The following TRIQK variants were observed in gnomAD, a reference collection of about 807,000 sequenced individuals.
TRIQK encodes the protein triple QxxK/R motif containing.
Under a neutral mutation model 10.8 loss-of-function variants are expected in TRIQK, and 10 were observed. That is an observed-to-expected ratio of 0.92 (90% CI 0.57 to 1.57). TRIQK has a LOEUF of 1.57. Ranked by LOEUF, TRIQK falls within the 40% of genes most tolerant of loss-of-function variation. The probability of loss-of-function intolerance (pLI) is 0.00; values close to 1 mark genes in which losing one functional copy is unlikely to be tolerated. For synonymous variants in TRIQK, 33 were observed against 33.7 expected, an observed-to-expected ratio of 0.98 and a Z score of 0.07; for missense variants, 107 against 97.7, an observed-to-expected ratio of 1.09 and a Z score of -0.40.
rs115208995 is a variant in TRIQK at position 92,956,544 on chromosome 8, C to G, written c.-180-1980G>C. Among the ~76,000 whole-genome samples the G allele has an allele frequency of 6.3e-3, 954 of 151,764 alleles. 10 individuals carry two copies. Among genetic ancestry groups the G allele is most frequent in the African/African-American group, 0.021 (891 of 41,494 alleles). On this transcript the variant is annotated intron_variant, in intron 1 of 4. Coordinates refer to ENST00000521988, the MANE Select transcript of TRIQK (RefSeq NM_001171797.2). ...TAAACTTTATGATTGTGAAATATAG[C>G]TCAATAAAGCTGTTATTAAAATACA...
intron 3 of TRIQK, among the ~76,000 whole-genome samples, chr8:92,909,617 C>T (rs994044212): frequency 6.6e-6 from 1 of 151,760 alleles, no homozygotes; most frequent in South Asian, 2.1e-4. Flanking sequence ...TTTAACACCA[C>T]ATTAAGTACT....
intron 2 of TRIQK, among the ~76,000 whole-genome samples, chr8:92,947,269 A>G (rs1361594097): frequency 2.0e-5 from 3 of 150,932 alleles, no homozygotes; most frequent in African/African-American, 7.3e-5. Flanking sequence ...TATACACTCA[A>G]GTTTGGACTT....
intron 1 of TRIQK, among the ~76,000 whole-genome samples, chr8:92,956,711 TATTA>T (rs1435116727): frequency 6.6e-6 from 1 of 151,818 alleles, no homozygotes; most frequent in Non-Finnish European, 1.5e-5. Context: ...GGGGGAAGCA[TATTA>T]ATACTTCATA....
intron 1 of TRIQK, among the ~76,000 whole-genome samples, chr8:92,998,880 C>A (rs546858736): frequency 6.6e-6 from 1 of 151,966 alleles, no homozygotes; most frequent in South Asian, 2.1e-4. Flanking sequence ...AGAAAGAACA[C>A]TTCAGAGGTT....
intron 1 of TRIQK, among the ~76,000 whole-genome samples, chr8:92,957,569 G>A (rs1456109816): frequency 6.6e-6 from 1 of 151,818 alleles, no homozygotes; most frequent in Non-Finnish European, 1.5e-5. Context: ...GAAATGCAAA[G>A]TGTTAATTTA....
chr8:92,937,862 A>G (rs1260602159), intron 2 of TRIQK, among the ~76,000 whole-genome samples: 3 of 152,010 alleles, frequency 2.0e-5, no homozygotes, highest in Admixed American at 6.6e-5. Context: ...AATATAAACC[A>G]TTGATAATAT....
chr8:92,995,920 T>G (rs986978931), intron 1 of TRIQK, among the ~76,000 whole-genome samples: 1 of 152,072 alleles, frequency 6.6e-6, no homozygotes, highest in Non-Finnish European at 1.5e-5. Flanking sequence ...GATAGTCATG[T>G]GACGGGAATT....
At chr8:92,954,815 T>C (rs945923478) in intron 1 of TRIQK, among the ~76,000 whole-genome samples, 4 of 151,906 alleles carry the variant, frequency 2.6e-5, no homozygotes, top group Non-Finnish European at 5.9e-5. Context: ...AACAGAAGAA[T>C]CTATTTAAAT....
intron 3 of TRIQK, among the ~76,000 whole-genome samples, chr8:92,895,922 A>AT (rs748678748): frequency 2.5e-4 from 38 of 152,178 alleles, no homozygotes; most frequent in Non-Finnish European, 5.0e-4. Flanking sequence ...CATGTAAAGA[A>AT]TAAAAAAAAA....
intron 2 of TRIQK, among the ~76,000 whole-genome samples, chr8:92,922,828 A>G (rs1360102505): frequency 6.6e-6 from 1 of 151,776 alleles, no homozygotes; most frequent in African/African-American, 2.4e-5. Flanking sequence ...TACATTAGAG[A>G]AAAACTGGTT....
chr8:92,912,624 C>T (rs968228677), intron 3 of TRIQK, among the ~76,000 whole-genome samples: 4 of 151,676 alleles, frequency 2.6e-5, no homozygotes. Context: ...ATCAATAAAA[C>T]TCATCACACA....
chr8:92,991,587 A>G (rs1813096907), intron 1 of TRIQK, among the ~76,000 whole-genome samples: 1 of 152,180 alleles, frequency 6.6e-6, no homozygotes, highest in South Asian at 2.1e-4. Flanking sequence ...TCCCCTTGAA[A>G]ACACACAAGA....
chr8:93,014,686 A>T (rs998857237), intron 1 of TRIQK, among the ~76,000 whole-genome samples: 1 of 152,098 alleles, frequency 6.6e-6, no homozygotes, highest in African/African-American at 2.4e-5. Flanking sequence ...TCTTTGGAAG[A>T]ACCCATTATA....
intron 4 of TRIQK, among the ~76,000 whole-genome samples, chr8:92,891,671 G>A (rs1447962012): frequency 2.0e-5 from 3 of 151,772 alleles, no homozygotes; most frequent in Admixed American, 6.6e-5. Context: ...ATTGAAAAAC[G>A]AAAGAAATTT....
At chr8:92,958,722 A>T (rs1812298397) in intron 1 of TRIQK, among the ~76,000 whole-genome samples, 1 of 152,058 alleles carries the variant, frequency 6.6e-6, no homozygotes, top group Admixed American at 6.6e-5. Context: ...ACTGAAAAGA[A>T]AAGTACACTA....
chr8:92,911,379 A>G (rs1809558775), intron 3 of TRIQK, among the ~76,000 whole-genome samples: 1 of 151,440 alleles, frequency 6.6e-6, no homozygotes, highest in African/African-American at 2.4e-5. Flanking sequence ...AAGAAATACA[A>G]AACAGACAGG....
chr8:92,966,838 G>A (rs1812768609), upstream of TRIQK, among the ~76,000 whole-genome samples: 1 of 151,914 alleles, frequency 6.6e-6, no homozygotes, highest in African/African-American at 2.4e-5. Flanking sequence ...TTTTAATATT[G>A]TGGTGAACTA....
intron 2 of TRIQK, among the ~76,000 whole-genome samples, chr8:92,945,948 T>C (rs1291009741): frequency 6.6e-6 from 1 of 151,836 alleles, no homozygotes; most frequent in Non-Finnish European, 1.5e-5. Flanking sequence ...AAAGTTACTT[T>C]CCCAGTGAAA....
chr8:92,958,855 T>C (rs1812305193), intron 1 of TRIQK, among the ~76,000 whole-genome samples: 1 of 152,050 alleles, frequency 6.6e-6, no homozygotes, highest in Admixed American at 6.6e-5. Context: ...TTTAGTGTGC[T>C]GAGATGCAGA....
Sources: allele counts gnomAD v4.1 joint callset (sites outside exome capture counted in the v4.1 genomes callset), GRCh38; gene constraint gnomAD v4.1.1; transcripts MANE v1.5; gene names NCBI Gene and HGNC (gene_info 2026-07-23, HGNC 2026-07-21).